NRP1: variants seen among roughly 807,000 people sequenced by gnomAD.
The protein encoded by NRP1 is neuropilin-1.
In NRP1, 35 loss-of-function variants were observed where a neutral mutation model predicts 106.7. That is an observed-to-expected ratio of 0.33 (90% CI 0.25 to 0.43). The LOEUF is 0.43. Ranked by LOEUF, NRP1 falls within the 20% of genes least tolerant of loss-of-function variation. The pLI, the probability that NRP1 is intolerant of heterozygous loss-of-function variation, is 1.00. For missense variants in NRP1, 1,024 were observed against 1,170.4 expected, an observed-to-expected ratio of 0.87 and a Z score of 1.83; for synonymous variants, 437 against 417.9, an observed-to-expected ratio of 1.05 and a Z score of -0.56.
At chr10:33,208,029 G>T (rs1230856664) in intron 9 of NRP1, among the ~76,000 whole-genome samples, 2 of 152,062 alleles carry the variant, frequency 1.3e-5, no homozygotes, top group East Asian at 3.9e-4. Flanking sequence ...TGGGCTCAGT[G>T]ATCCTCCCAC....
chr10:33,195,472 A>C (rs1297208769), intron 12 of NRP1: 1 of 532,974 alleles, frequency 1.9e-6, no homozygotes, highest in Non-Finnish European at 3.8e-6. Context: ...GCAAGATGAA[A>C]TAGTAAGACT....
rs147434348 is a variant in NRP1 at position 33,285,158 on chromosome 10, C to T, written c.249-14302G>A. Reference sequence around the variant, plus strand: ...CTGTGCCTATACTTAGTAAAAAGAGCTCAACCAAGGCTGACAAATGCACTT... The same window carrying T: ...CTGTGCCTATACTTAGTAAAAAGAGTTCAACCAAGGCTGACAAATGCACTT... On this transcript the variant is annotated intron_variant, in intron 2 of 16. Transcript: ENST00000374867. 3.2e-3 allele frequency among the ~76,000 whole-genome samples: 486 copies of T among 152,304 alleles called. 2 individuals are homozygous for T. Among genetic ancestry groups the T allele is most frequent in the Middle Eastern group, 0.01 (3 of 294 alleles).
intron 2 of NRP1, among the ~76,000 whole-genome samples, chr10:33,328,012 G>GT: frequency 6.6e-6 from 1 of 151,966 alleles, no homozygotes; most frequent in Non-Finnish European, 1.5e-5. Flanking sequence ...CACCTTCACA[G>GT]AGAGCAAAGC....
At chr10:33,256,593 G>A in intron 4 of NRP1, 122 bp from the exon 5 acceptor site, 1 of 1,027,266 alleles carries the variant, frequency 9.7e-7, no homozygotes, top group Non-Finnish European at 1.4e-6. Context: ...CCAAAGCAAG[G>A]CTTCCCTAAG....
chr10:33,330,473 TA>T (rs1179072574), intron 2 of NRP1, among the ~76,000 whole-genome samples: 1 of 152,114 alleles, frequency 6.6e-6, no homozygotes, highest in African/African-American at 2.4e-5. Context: ...CCAAAAGTGC[TA>T]ACAGGAAGGA....
At chr10:33,181,897 C>T (rs1407198331) in intron 16 of NRP1, among the ~76,000 whole-genome samples, 1 of 152,124 alleles carries the variant, frequency 6.6e-6, no homozygotes, top group East Asian at 1.9e-4. Flanking sequence ...CTAAGGAATT[C>T]AAGACCAGCC....
rs191573096 is a variant in NRP1, at chr10:33,226,287, T to C, written c.984A>G (p.Val328=). The C allele has an allele frequency of 6.2e-7, 1 of 1,614,104 alleles. No homozygotes were observed. The highest frequency in any genetic ancestry group is 8.5e-7 in the Non-Finnish European group (1 of 1,179,990). The change falls in exon 7 of 17, where the codon GTA becomes GTG. Residue 328 remains valine (V), a splice_region_variant and synonymous_variant. Coordinates refer to ENST00000374867, the MANE Select transcript of NRP1 (RefSeq NM_003873.7). ...TGACAAAGCGCAGAAGGCCCAAGTC[T>C]ACCTGCAAGACAAGTACAAGCGTGG... ...GEDSYREWIQ[V]DLGLLRFVTA... is the part of the protein sequence containing the mutation.
chr10:33,195,449 T>G (rs1478336786), intron 12 of NRP1: 1 of 530,132 alleles, frequency 1.9e-6, no homozygotes, highest in Non-Finnish European at 3.9e-6. Context: ...GTTTATTATA[T>G]TGATGAGAAT....
At chr10:33,248,724 G>C (rs548641193) in intron 6 of NRP1, among the ~76,000 whole-genome samples, 1 of 146,028 alleles carries the variant, frequency 6.8e-6, no homozygotes, top group African/African-American at 2.5e-5. Context: ...AGTGGAGAAA[G>C]AAGAGGCTCT....
At position 33,260,014 on chromosome 10, in the gene NRP1, C is replaced by T. The variant is rs114086679; in HGVS notation, c.659-3543G>A. ...GGACTCTAGGCTCATGCCACTACCA[C>T]CAGCTAATTTTTAAATTTTTTTTTG... On this transcript the variant is annotated intron_variant, in intron 4 of 16. Transcript: ENST00000374867. Among the ~76,000 whole-genome samples, 980 of 152,120 alleles carry T rather than the reference C, an allele frequency of 6.4e-3. 10 individuals are homozygous for T. Among genetic ancestry groups the T allele is most frequent in the African/African-American group, 0.022 (927 of 41,504 alleles).
At chr10:33,198,441 C>G (rs1181901028) in intron 11 of NRP1, among the ~76,000 whole-genome samples, 1 of 152,190 alleles carries the variant, frequency 6.6e-6, no homozygotes, top group East Asian at 1.9e-4. Context: ...TGTGCCCAGC[C>G]TGCAATTTTC....
At chr10:33,249,084 GTT>G (rs750905931) in intron 6 of NRP1, among the ~76,000 whole-genome samples, 9,366 of 71,048 alleles carry the variant, frequency 0.13, 102 homozygotes, top group Admixed American at 0.21. Flanking sequence ...TATGTCTCTT[GTT>G]TTTTTTTTTT....
intron 8 of NRP1, among the ~76,000 whole-genome samples, chr10:33,215,280 T>C (rs1239011635): frequency 6.6e-6 from 1 of 152,242 alleles, no homozygotes; most frequent in East Asian, 1.9e-4. Flanking sequence ...CAAGCTACTC[T>C]AGCTTTTATT....
intron 2 of NRP1, among the ~76,000 whole-genome samples, chr10:33,317,419 T>C (rs1351659526): frequency 6.6e-6 from 1 of 152,212 alleles, no homozygotes; most frequent in Non-Finnish European, 1.5e-5. Flanking sequence ...CAGGGGATAC[T>C]AGAAATAGAG....
intron 2 of NRP1, among the ~76,000 whole-genome samples, chr10:33,305,059 C>T (rs758781984): frequency 9.2e-5 from 14 of 152,192 alleles, no homozygotes; most frequent in Non-Finnish European, 1.8e-4. Flanking sequence ...TGTGGTAGTA[C>T]AATAAACTAC....
chr10:33,267,527 A>G (rs1843003110), intron 3 of NRP1, among the ~76,000 whole-genome samples: 1 of 152,216 alleles, frequency 6.6e-6, no homozygotes, highest in Non-Finnish European at 1.5e-5. Context: ...TAAATGCACA[A>G]ACTCTCAATC....
intron 6 of NRP1, among the ~76,000 whole-genome samples, chr10:33,242,413 C>T (rs924849682): frequency 5.3e-5 from 8 of 152,084 alleles, no homozygotes; most frequent in Admixed American, 1.3e-4. Flanking sequence ...ATATAATGTA[C>T]GTGCTATAAA....
At chr10:33,186,513 G>A in intron 13 of NRP1, 25 bp from the exon 14 acceptor site, 1 of 1,586,830 alleles carries the variant, frequency 6.3e-7, no homozygotes, top group Non-Finnish European at 8.6e-7. Context: ...AACTGTGTTA[G>A]GGAGAGTGGC....
intron 2 of NRP1, among the ~76,000 whole-genome samples, chr10:33,282,504 T>A (rs1392699054): frequency 6.6e-6 from 1 of 152,198 alleles, no homozygotes; most frequent in Non-Finnish European, 1.5e-5. Flanking sequence ...CTACAGGAAT[T>A]AAAGTTGGCA....
Sources: allele counts gnomAD v4.1 joint callset (sites outside exome capture counted in the v4.1 genomes callset), GRCh38; gene constraint gnomAD v4.1.1; transcripts MANE v1.5; gene names NCBI Gene and HGNC (gene_info 2026-07-23, HGNC 2026-07-21).